TLX1: variants seen among roughly 807,000 people sequenced by gnomAD.
TLX1 encodes T-cell leukemia homeobox protein 1.
TLX1 carries 6 observed loss-of-function variants against 26.5 expected under a neutral mutation model. The observed-to-expected ratio is 0.23, with a 90% CI of 0.12 to 0.45. TLX1 has a LOEUF of 0.45. Among genes scored for constraint, TLX1 ranks in the 20% least tolerant of loss-of-function variants. The pLI is 0.99. For missense variants in TLX1, 418 were observed against 482.6 expected, an observed-to-expected ratio of 0.87 and a Z score of 1.25; for synonymous variants, 217 against 219.7, an observed-to-expected ratio of 0.99 and a Z score of 0.11.
At chr10:101,136,669 TA>T in intron 2 of TLX1, 21 bp from the exon 3 acceptor site, 1 of 1,612,488 alleles carries the variant, frequency 6.2e-7, no homozygotes, top group Non-Finnish European at 8.5e-7. Flanking sequence ...TCCTGGCAGG[TA>T]ACGGCTTGTT....
intron 2 of TLX1, 106 bp from the exon 3 acceptor site, chr10:101,136,585 G>A: frequency 6.3e-7 from 1 of 1,593,972 alleles, no homozygotes; most frequent in South Asian, 1.1e-5. Flanking sequence ...GACTGCAAAG[G>A]CGAGCAGCGC....
intron 1 of TLX1, chr10:101,133,093 G>A (rs1047553080): frequency 1.3e-5 from 2 of 152,466 alleles, no homozygotes; most frequent in East Asian, 3.8e-4. Context: ...GCCGATCTTA[G>A]AGAGAGGAGG....
rs763908094 is a variant in TLX1, at chr10:101,131,580, C to G, written c.39C>G (p.His13Gln). The G allele has an allele frequency of 6.4e-7, 1 of 1,555,218 alleles. No homozygotes were observed. Among genetic ancestry groups the G allele is most frequent in the Non-Finnish European group, 8.7e-7 (1 of 1,154,732 alleles). Residue 13 changes from histidine to glutamine, a missense_variant, in exon 1 of 3, where the codon CAC becomes CAG. Transcript: ENST00000370196. ...GTCCGCACCACCTCCACCCGGGTCACGCAGAGCCCATTAGCTTCGGCATCG... is the reference window on the plus strand; with the variant it reads ...GTCCGCACCACCTCCACCCGGGTCAGGCAGAGCCCATTAGCTTCGGCATCG... The part of the protein sequence containing the change: ...HLGPHHLHPG[H>Q]AEPISFGIDQ...
intron 2 of TLX1, among the ~76,000 whole-genome samples, chr10:101,134,817 G>A (rs940771515): frequency 6.6e-6 from 1 of 152,250 alleles, no homozygotes; most frequent in Admixed American, 6.5e-5. Context: ...CTCCAGCCGG[G>A]CTCCCGGCAG....
chr10:101,135,045 C>T (rs1940263819), intron 2 of TLX1, among the ~76,000 whole-genome samples: 1 of 152,278 alleles, frequency 6.6e-6, no homozygotes, highest in African/African-American at 2.4e-5. Context: ...CTAGTTACTA[C>T]GCAATGGGCT....
chr10:101,137,321 A>C lies in TLX1; in HGVS notation c.*408A>C. 2 of 305,992 alleles carry C rather than the reference A, an allele frequency of 6.5e-6. No homozygotes were observed. The highest frequency in any genetic ancestry group is 1.2e-5 in the Non-Finnish European group (2 of 162,334). The allele number at this position is 305,992 out of a possible 1,614,324, so 19.0% of individuals were successfully genotyped here. On this transcript the variant is annotated 3_prime_UTR_variant, in exon 3 of 3. Coordinates refer to ENST00000370196, the MANE Select transcript of TLX1 (RefSeq NM_005521.4). ...CCCACTTCTCATCACACACATGGAAACCCATAGGCCCACACACAGGTGGTG... is the reference window on the plus strand; with the variant it reads ...CCCACTTCTCATCACACACATGGAACCCCATAGGCCCACACACAGGTGGTG...
rs1030013476 is a variant in TLX1 at position 101,132,583 on chromosome 10, C to G, written c.568+474C>G. 1.3e-5 allele frequency among the ~76,000 whole-genome samples: 2 copies of G among 152,182 alleles called. No individual in the cohort carries two copies. Among genetic ancestry groups the G allele is most frequent in the Admixed American group, 1.3e-4 (2 of 15,286 alleles). ...TCCCCTACACACATGCACTTCGCGCCCCTAGCTCCGGTGCCCGTGGTGCTG... is the reference window on the plus strand; with the variant it reads ...TCCCCTACACACATGCACTTCGCGCGCCTAGCTCCGGTGCCCGTGGTGCTG... On this transcript the variant is annotated intron_variant, in intron 1 of 2. Coordinates refer to ENST00000370196, the MANE Select transcript of TLX1 (RefSeq NM_005521.4). The surrounding 1 kb of genome is among the most constrained non-coding windows in gnomAD (Gnocchi z 4.1).
Position 101,132,034 on chromosome 10 carries a change from G to A in TLX1, c.493G>A (p.Gly165Ser). The A allele has an allele frequency of 1.3e-6, 2 of 1,517,556 alleles. No individual in the cohort carries two copies. Among genetic ancestry groups the A allele is most frequent in the Non-Finnish European group, 1.8e-6 (2 of 1,140,442 alleles). The allele number at this position is 1,517,556 out of a possible 1,614,324, so 94.0% of individuals were successfully genotyped here. ...CGTGCCCTCTGTGCCTGCCATGCCG[G>A]GCGTCAACAACCTCACTGGCCTCAC... is the stretch of plus-strand genomic sequence containing the variant. ...PTVPSVPAMP[G>S]VNNLTGLTFP... The change falls in exon 1 of 3, where the codon GGC (glycine) becomes AGC (serine). Residue 165 changes from glycine (G) to serine (S), a missense_variant. Gly to Ser is a moderately conservative substitution (Grantham distance 56). Coordinates refer to ENST00000370196, the MANE Select transcript of TLX1 (RefSeq NM_005521.4). This position sits in a 1 kb window ranked among gnomAD's most constrained non-coding sequence, Gnocchi z 4.1.
Position 101,134,349 on chromosome 10 carries a change from G to A in TLX1, c.743G>A (p.Trp248Ter). Residue 248 changes from tryptophan (W) to a stop codon, truncating the protein, a stop_gained, in exon 2 of 3, where the codon TGG becomes TAG. Transcript: ENST00000370196. LOFTEE classifies it high-confidence loss of function. Reference protein sequence around the residue: ...LKMTDAQVKTWFQNRRTKWRR... With the variant: ...LKMTDAQVKT Reference sequence around the variant, plus strand: ...ATGACCGATGCGCAGGTCAAAACCTGGTTCCAGAACCGGCGGACAAAGTGG... The same window carrying A: ...ATGACCGATGCGCAGGTCAAAACCTAGTTCCAGAACCGGCGGACAAAGTGG... The A allele has an allele frequency of 6.2e-7, 1 of 1,603,006 alleles. No homozygotes were observed. The highest frequency in any genetic ancestry group is 8.5e-7 in the Non-Finnish European group (1 of 1,175,940).
In TLX1 at chr10:101,131,448, G is replaced by T; in HGVS notation, c.-94G>T. On this transcript the variant is annotated 5_prime_UTR_variant, in exon 1 of 3. An upstream open reading frame in the 5' UTR gains an earlier in-frame stop. Coordinates refer to ENST00000370196, the MANE Select transcript of TLX1 (RefSeq NM_005521.4). Reference sequence around the variant, plus strand: ...CGCTTCCAAGTCTCCGCGCAGCCAGGAGCCGCTGTTGCCTCCCAGCCCCTG... The same window carrying T: ...CGCTTCCAAGTCTCCGCGCAGCCAGTAGCCGCTGTTGCCTCCCAGCCCCTG... 9.6e-7 allele frequency: 1 copy of T among 1,047,024 alleles called. No individual in the cohort carries two copies. Among genetic ancestry groups the T allele is most frequent in the Non-Finnish European group, 1.3e-6 (1 of 790,126 alleles). 64.9% of individuals were successfully genotyped at this position (1,047,024 alleles called of 1,614,324 possible).
At chr10:101,134,423 G>A in intron 2 of TLX1, 47 bp downstream of exon 2, 1 of 1,483,952 alleles carries the variant, frequency 6.7e-7, no homozygotes, top group Non-Finnish European at 8.9e-7. Flanking sequence ...CGCGGTCTCA[G>A]GCAGCTCTCG....
In TLX1 at chr10:101,131,958, G is replaced by A. The variant is rs1174509190; in HGVS notation, c.417G>A (p.Pro139=). 1 of 1,487,664 alleles carries A rather than the reference G, an allele frequency of 6.7e-7. No individual in the cohort carries two copies. Among genetic ancestry groups the A allele is most frequent in the East Asian group, 2.8e-5 (1 of 35,966 alleles). 92.2% of individuals were successfully genotyped at this position (1,487,664 alleles called of 1,614,324 possible). A position where few individuals can be genotyped will look rare whatever the true frequency, so the allele number is the denominator to read the frequency against. The change falls in exon 1 of 3, where the codon CCG becomes CCA. Residue 139 remains proline (P), a synonymous_variant. Coordinates refer to ENST00000370196, the MANE Select transcript of TLX1 (RefSeq NM_005521.4). ...AGVIRVPAHR[P]LAGAVAHPQP... Reference sequence around the variant, plus strand: ...TAATCCGGGTGCCGGCACACAGGCCGCTCGCCGGAGCCGTGGCCCACCCCC... The same window carrying A: ...TAATCCGGGTGCCGGCACACAGGCCACTCGCCGGAGCCGTGGCCCACCCCC...
chr10:101,134,515 C>A, intron 2 of TLX1, 139 bp downstream of exon 2: 1 of 1,027,112 alleles, frequency 9.7e-7, no homozygotes, highest in Non-Finnish European at 1.4e-6. Flanking sequence ...TCCCGCTAGG[C>A]TTGCGGGGAG....
chr10:101,135,732 AG>A (rs1564677326), intron 2 of TLX1, among the ~76,000 whole-genome samples: 1 of 152,264 alleles, frequency 6.6e-6, no homozygotes, highest in African/African-American at 2.4e-5. Context: ...TGTATAATAA[AG>A]AAAAAGCAAT....
In TLX1 at chr10:101,132,933, C is replaced by T. The variant is rs17113728; in HGVS notation, c.568+824C>T. On this transcript the variant is annotated intron_variant, in intron 1 of 2. Transcript: ENST00000370196. The surrounding 1 kb of genome is among the most constrained non-coding windows in gnomAD (Gnocchi z 4.1). ...CTGCTGGCCCTGGCTCCCTCTGCTC[C>T]CGTTTCCACTCTGGGCACTCAACTC... The T allele has an allele frequency of 0.16, 24,327 of 153,224 alleles. 2,076 individuals are homozygous for T. The highest frequency in any genetic ancestry group is 0.25 in the East Asian group (1,280 of 5,204). 9.5% of individuals were successfully genotyped at this position (153,224 alleles called of 1,614,324 possible).
Position 101,132,561 on chromosome 10 carries a change from C to T in TLX1, c.568+452C>T, listed in dbSNP as rs1398087055. 6.6e-6 allele frequency among the ~76,000 whole-genome samples: 1 copy of T among 152,206 alleles called. No individual in the cohort carries two copies. The highest frequency in any genetic ancestry group is 1.9e-4 in the East Asian group (1 of 5,196). The stretch of plus-strand genomic sequence containing the variant: ...GAACAGGTTCCCCCACCTCCAGTCC[C>T]CTACACACATGCACTTCGCGCCCCT... On this transcript the variant is annotated intron_variant, in intron 1 of 2. Coordinates refer to ENST00000370196, the MANE Select transcript of TLX1 (RefSeq NM_005521.4). This position sits in a 1 kb window ranked among gnomAD's most constrained non-coding sequence, Gnocchi z 4.1.
intron 1 of TLX1, chr10:101,133,161 AG>A (rs940101248): frequency 1.6e-4 from 24 of 152,454 alleles, no homozygotes; most frequent in African/African-American, 5.8e-4. Flanking sequence ...CCCCGGTTCA[AG>A]GGCCCAACAG....
In TLX1 at chr10:101,137,621, G is replaced by A. The variant is rs923329747; in HGVS notation, c.*708G>A. On this transcript the variant is annotated 3_prime_UTR_variant, in exon 3 of 3. Transcript: ENST00000370196. Reference sequence around the variant, plus strand: ...CCACCACACATCCCAGCCCAATCCAGGTACGCACAGACAGGTTTTCACATA... The same window carrying A: ...CCACCACACATCCCAGCCCAATCCAAGTACGCACAGACAGGTTTTCACATA... The A allele has an allele frequency of 4.3e-6, 1 of 233,974 alleles. No individual in the cohort carries two copies. Among genetic ancestry groups the A allele is most frequent in the Non-Finnish European group, 8.4e-6 (1 of 118,422 alleles). The allele number at this position is 233,974 out of a possible 1,614,324, so 14.5% of individuals were successfully genotyped here. A position where few individuals can be genotyped will look rare whatever the true frequency, so the allele number is the denominator to read the frequency against.
chr10:101,131,873 C>T lies in TLX1; in HGVS notation c.332C>T (p.Pro111Leu). The T allele has an allele frequency of 7.1e-7, 1 of 1,404,266 alleles. No individual in the cohort carries two copies. Among genetic ancestry groups the T allele is most frequent in the South Asian group, 1.6e-5 (1 of 62,740 alleles). The allele number at this position is 1,404,266 out of a possible 1,614,324, so 87.0% of individuals were successfully genotyped here. A position where few individuals can be genotyped will look rare whatever the true frequency, so the allele number is the denominator to read the frequency against. The change falls in exon 1 of 3, where the codon CCC becomes CTC. Residue 111 changes from proline (P) to leucine (L), a missense_variant. Around this residue, in one of 3 missense-constraint regions of TLX1, gnomAD observed 322 missense variants for 344.6 expected, o/e 0.93. Coordinates refer to ENST00000370196, the MANE Select transcript of TLX1 (RefSeq NM_005521.4). ...GTGAACATGGCCTTGGCAGGCGGCC[C>T]CGGTCCTGGCGGCGGCGGCGGCAGC... Reference protein sequence around the residue: ...YNVNMALAGGPGPGGGGGSSG... With the variant: ...YNVNMALAGGLGPGGGGGSSG...
Sources: allele counts gnomAD v4.1 joint callset (sites outside exome capture counted in the v4.1 genomes callset), GRCh38; gene constraint gnomAD v4.1.1; regional missense constraint gnomAD v4.1.1; non-coding constraint Gnocchi (gnomAD v3.1); transcripts MANE v1.5; gene names NCBI Gene and HGNC (gene_info 2026-07-23, HGNC 2026-07-21).